Variants in MELK observed in about 807,000 individuals in gnomAD.
MELK encodes the protein maternal embryonic leucine zipper kinase.
Under a neutral mutation model 85.0 loss-of-function variants are expected in MELK, and 81 were observed. The observed-to-expected ratio is 0.95, with a 90% CI of 0.80 to 1.15. The LOEUF (loss-of-function observed/expected upper bound fraction) is 1.15. Among genes scored for constraint, MELK ranks in the 50% most tolerant of loss-of-function variants. The probability of loss-of-function intolerance (pLI) is 0.00; values close to 1 mark genes in which losing one functional copy is unlikely to be tolerated. For missense variants in MELK, 754 were observed against 777.5 expected, an observed-to-expected ratio of 0.97 and a Z score of 0.36; for synonymous variants, 252 against 265.0, an observed-to-expected ratio of 0.95 and a Z score of 0.48.
rs1829270626 is a variant in MELK, at chr9:36,636,893, G to A, written c.834+3693G>A. ...ACTCTGTCACCCAGGCTGGAGCAGT[G>A]GCACGATCTCTGCTCACTGCAAGCT... On this transcript the variant is annotated intron_variant, in intron 10 of 17. Transcript: ENST00000298048. Among the ~76,000 whole-genome samples, 3 of 151,710 alleles carry A rather than the reference G, an allele frequency of 2.0e-5. No individual in the cohort carries two copies. The South Asian group carries it at 6.3e-4, about 32-fold the overall frequency.
chr9:36,625,390 G>A (rs555484435), intron 8 of MELK, among the ~76,000 whole-genome samples: 53 of 152,306 alleles, frequency 3.5e-4, no homozygotes, highest in Admixed American at 7.8e-4. Context: ...CTGGGTCTCA[G>A]GAATAAAGTA....
At chr9:36,639,413 A>G (rs1028067137) in intron 10 of MELK, among the ~76,000 whole-genome samples, 1 of 152,204 alleles carries the variant, frequency 6.6e-6, no homozygotes, top group African/African-American at 2.4e-5. Flanking sequence ...TAAGGTATAG[A>G]TGCTGTCTGT....
intron 16 of MELK, 143 bp downstream of exon 16, chr9:36,671,309 T>A: frequency 1.1e-6 from 1 of 945,400 alleles, no homozygotes; most frequent in Non-Finnish European, 1.5e-6. Context: ...TTTGAGCAAC[T>A]AAAATCTGCA....
At position 36,607,728 on chromosome 9, in the gene MELK, A is replaced by G. The variant is rs1421072950; in HGVS notation, c.666+55A>G. On this transcript the variant is annotated intron_variant, in intron 8 of 17. Coordinates refer to ENST00000298048, the MANE Select transcript of MELK (RefSeq NM_014791.4). Reference sequence around the variant, plus strand: ...GTAGAACTTTTCTATACCGAATAGTATATGCTTTCATTCATAAATGTACAA... The same window carrying G: ...GTAGAACTTTTCTATACCGAATAGTGTATGCTTTCATTCATAAATGTACAA... 6.1e-6 allele frequency: 7 copies of G among 1,140,514 alleles called. No homozygotes were observed. In the Admixed American group the frequency reaches 7.5e-5, roughly 12 times the overall value. The allele number at this position is 1,140,514 out of a possible 1,614,324, so 70.6% of individuals were successfully genotyped here.
rs1329287322 is a variant in MELK at position 36,643,030 on chromosome 9, C to G, written c.868C>G (p.Leu290Val). 1.2e-6 allele frequency: 2 copies of G among 1,612,204 alleles called. No homozygotes were observed. Residue 290 changes from leucine (L) to valine (V), a missense_variant, in exon 11 of 18, where the codon CTT becomes GTT. Physicochemically the swap from Leu to Val is conservative, Grantham distance 32. Transcript: ENST00000298048. The part of the protein sequence containing the change: ...IHLDDDCVTE[L>V]SVHHRNNRQT... ...CCTCGATGATGATTGCGTAACAGAA[C>G]TTTCTGTACATCACAGAAACAACAG...
chr9:36,606,709 A>G (rs1461931553), intron 7 of MELK: 1 of 147,976 alleles, frequency 6.8e-6, no homozygotes, highest in Non-Finnish European at 1.5e-5. Flanking sequence ...ATATGTATAT[A>G]TGGACATGCA....
At chr9:36,573,882 A>C (rs1322751729) in intron 1 of MELK, among the ~76,000 whole-genome samples, 2 of 152,088 alleles carry the variant, frequency 1.3e-5, no homozygotes, top group Non-Finnish European at 1.5e-5. Flanking sequence ...AACCTGGTGT[A>C]GGGTTGTGGG....
At chr9:36,604,769 G>A (rs1234821599) in intron 7 of MELK, among the ~76,000 whole-genome samples, 1 of 151,086 alleles carries the variant, frequency 6.6e-6, no homozygotes, top group Admixed American at 6.6e-5. Flanking sequence ...TCAGCCTCCC[G>A]AATTGCTGGA....
At chr9:36,578,711 TCA>T (rs1046615389) in intron 1 of MELK, among the ~76,000 whole-genome samples, 2 of 152,226 alleles carry the variant, frequency 1.3e-5, no homozygotes, top group Admixed American at 1.3e-4. Context: ...GATAGGAATA[TCA>T]CAGTCTGATT....
chr9:36,657,033 A>G (rs1051131173), intron 12 of MELK, among the ~76,000 whole-genome samples: 1 of 152,256 alleles, frequency 6.6e-6, no homozygotes, highest in African/African-American at 2.4e-5. Context: ...GCAACAGGCT[A>G]TAACGTACAG....
chr9:36,599,453 G>T lies in MELK; in HGVS notation c.534G>T (p.Glu178Asp), dbSNP rs1824679644. The change falls in exon 7 of 18, where the codon GAG (glutamate) becomes GAT (aspartate). Residue 178 changes from glutamate (E) to aspartate (D), a missense_variant. By Grantham distance (45) the Glu-to-Asp change is conservative. Transcript: ENST00000298048. Reference sequence around the variant, plus strand: ...GGAGTCTGGCTTATGCAGCACCTGAGTTAATACAAGGCAAATCATATCTTG... The same window carrying T: ...GGAGTCTGGCTTATGCAGCACCTGATTTAATACAAGGCAAATCATATCTTG... ...CCGSLAYAAPELIQGKSYLGS... is the reference protein window; with the variant it reads ...CCGSLAYAAPDLIQGKSYLGS... 1 of 1,613,204 alleles carries T rather than the reference G, an allele frequency of 6.2e-7. No individual in the cohort carries two copies. Among genetic ancestry groups the T allele is most frequent in the Non-Finnish European group, 8.5e-7 (1 of 1,179,436 alleles).
At chr9:36,608,472 C>T (rs7021748) in intron 8 of MELK, among the ~76,000 whole-genome samples, 4,424 of 151,498 alleles carry the variant, frequency 0.029, 217 homozygotes, top group African/African-American at 0.1. Flanking sequence ...CATTGCTATC[C>T]GTGGTTTCCG....
intron 7 of MELK, among the ~76,000 whole-genome samples, chr9:36,606,535 A>C (rs1407106362): frequency 7.4e-6 from 1 of 135,002 alleles, no homozygotes; most frequent in Non-Finnish European, 1.6e-5. Flanking sequence ...TATAATATAT[A>C]ATATATACAT....
chr9:36,600,621 G>A (rs963207611), intron 7 of MELK, among the ~76,000 whole-genome samples: 3 of 152,246 alleles, frequency 2.0e-5, no homozygotes, highest in East Asian at 3.9e-4. Flanking sequence ...TGCTGACCTC[G>A]TGATCCGCCT....
chr9:36,577,986 A>G (rs780778409), intron 1 of MELK, among the ~76,000 whole-genome samples: 1 of 151,960 alleles, frequency 6.6e-6, no homozygotes, highest in Non-Finnish European at 1.5e-5. Flanking sequence ...AGGTCTTGCT[A>G]TATTGTCCTG....
chr9:36,631,008 G>C (rs1279907741), intron 9 of MELK, among the ~76,000 whole-genome samples: 3 of 149,498 alleles, frequency 2.0e-5, no homozygotes, highest in South Asian at 2.1e-4. Context: ...CTGTTGCCCA[G>C]GCTGGAGTGC....
intron 3 of MELK, 138 bp from the exon 4 acceptor site, chr9:36,589,398 T>G (rs542869619): frequency 1.6e-6 from 1 of 630,998 alleles, no homozygotes; most frequent in Admixed American, 2.3e-5. Context: ...TCCGCCCGCC[T>G]CGGCCTCCCA....
At chr9:36,597,165 T>G (rs1587374273) in intron 5 of MELK, 57 bp from the exon 6 acceptor site, 5 of 1,433,222 alleles carry the variant, frequency 3.5e-6, no homozygotes. Context: ...TGGCTAGAGG[T>G]GGGATGTGAT....
intron 10 of MELK, among the ~76,000 whole-genome samples, chr9:36,639,033 A>G (rs144889736): frequency 2.8e-3 from 434 of 152,300 alleles, no homozygotes; most frequent in Middle Eastern, 0.017. Context: ...TGAAGTAGCT[A>G]CTGGAGCAGA....
Sources: gnomAD v4.1 joint callset for allele counts (sites outside exome capture counted in the v4.1 genomes callset) on GRCh38, gnomAD v4.1.1 for gene constraint, MANE v1.5 for transcripts, NCBI Gene and HGNC (gene_info 2026-07-23, HGNC 2026-07-21) for gene names.